Variants in ADGRA3 observed in about 807,000 individuals in gnomAD.
The protein encoded by ADGRA3 is G-protein coupled receptor 125.
ADGRA3 carries 56 observed loss-of-function variants against 119.8 expected under a neutral mutation model. The observed-to-expected ratio is 0.47, with a 90% CI of 0.38 to 0.58. The LOEUF (loss-of-function observed/expected upper bound fraction) is 0.58. ADGRA3 is among the 20% of genes least tolerant of loss of function. The pLI is 0.00. For missense variants in ADGRA3, 1,516 were observed against 1,649.0 expected, an observed-to-expected ratio of 0.92 and a Z score of 1.40; for synonymous variants, 607 against 623.8, an observed-to-expected ratio of 0.97 and a Z score of 0.40.
At chr4:22,432,303 G>C (rs957236302) in intron 10 of ADGRA3, among the ~76,000 whole-genome samples, 16 of 152,066 alleles carry the variant, frequency 1.1e-4, no homozygotes, top group Non-Finnish European at 1.6e-4. Context: ...GGCAGGGAGG[G>C]GGAACTCAGG....
At chr4:22,509,941 C>T (rs529572657) in intron 1 of ADGRA3, among the ~76,000 whole-genome samples, 2 of 139,178 alleles carry the variant, frequency 1.4e-5, no homozygotes, top group Non-Finnish European at 1.5e-5. Context: ...ACCCGGGAGG[C>T]GGAGCTTGCA....
intron 2 of ADGRA3, chr4:22,472,938 A>C (rs1717907017): frequency 6.6e-6 from 1 of 152,208 alleles, no homozygotes; most frequent in African/African-American, 2.4e-5. Context: ...AATACAAGTA[A>C]ATTAAATGTC....
Position 22,479,143 on chromosome 4 carries a change from T to C in ADGRA3, c.258-5300A>G, listed in dbSNP as rs149469489. 6.5e-3 allele frequency among the ~76,000 whole-genome samples: 987 copies of C among 152,120 alleles called. 4 individuals are homozygous for C. Among genetic ancestry groups the C allele is most frequent in the Middle Eastern group, 0.02 (6 of 294 alleles). On this transcript the variant is annotated intron_variant, in intron 1 of 18. Transcript: ENST00000334304. ...AAATCAAAACCACAATGAGACACCA[T>C]CTCACACCAGTTAGAATGGTGATCA...
rs181390858 is a variant in ADGRA3 at position 22,457,605 on chromosome 4, G to A, written c.402-2668C>T. 2.7e-4 allele frequency among the ~76,000 whole-genome samples: 41 copies of A among 152,322 alleles called. No individual in the cohort carries two copies. The East Asian group carries it at 6.9e-3, about 26-fold the overall frequency. On this transcript the variant is annotated intron_variant, in intron 3 of 18. Coordinates refer to ENST00000334304, the MANE Select transcript of ADGRA3 (RefSeq NM_145290.4). Reference sequence around the variant, plus strand: ...AAGAGACTACTTAACGTGTAACACAGTGAAAGACTACTAAGGCAATGCCTG... The same window carrying A: ...AAGAGACTACTTAACGTGTAACACAATGAAAGACTACTAAGGCAATGCCTG...
intron 2 of ADGRA3, among the ~76,000 whole-genome samples, chr4:22,467,183 G>C (rs1717690267): frequency 6.6e-6 from 1 of 152,110 alleles, no homozygotes; most frequent in Non-Finnish European, 1.5e-5. Flanking sequence ...CTGAATTGTT[G>C]AACTGGGTAA....
At chr4:22,467,708 A>G (rs558071334) in intron 2 of ADGRA3, among the ~76,000 whole-genome samples, 25 of 152,224 alleles carry the variant, frequency 1.6e-4, no homozygotes, top group Non-Finnish European at 2.9e-4. Flanking sequence ...AGCCATATTA[A>G]TCAAGCATTG....
At chr4:22,444,930 C>A in intron 6 of ADGRA3, 43 bp downstream of exon 6, 1 of 1,602,510 alleles carries the variant, frequency 6.2e-7, no homozygotes, top group South Asian at 1.1e-5. Flanking sequence ...GGTAGCAAGT[C>A]AAAATATGGT....
chr4:22,454,720 T>C (rs1175728035), intron 4 of ADGRA3, 146 bp downstream of exon 4: 2 of 645,452 alleles, frequency 3.1e-6, no homozygotes, highest in Non-Finnish European at 5.5e-6. Context: ...TACATCCCCA[T>C]GATTAAATTG....
At chr4:22,489,948 G>C (rs1023431462) in intron 1 of ADGRA3, among the ~76,000 whole-genome samples, 1 of 152,162 alleles carries the variant, frequency 6.6e-6, no homozygotes, top group African/African-American at 2.4e-5. Flanking sequence ...ATTACACTGA[G>C]ACAACAGATT....
chr4:22,398,170 G>A, intron 16 of ADGRA3: 2 of 964,828 alleles, frequency 2.1e-6, no homozygotes, highest in Non-Finnish European at 2.5e-6. Flanking sequence ...CAGATGAGAG[G>A]TAATTTCATC....
chr4:22,400,158 G>A (rs557912044), intron 16 of ADGRA3, among the ~76,000 whole-genome samples: 3 of 152,138 alleles, frequency 2.0e-5, no homozygotes, highest in Admixed American at 6.5e-5. Context: ...CCAACAACTC[G>A]ATTATCATTC....
At chr4:22,417,876 C>T (rs1021796702) in intron 12 of ADGRA3, among the ~76,000 whole-genome samples, 6 of 152,022 alleles carry the variant, frequency 3.9e-5, no homozygotes, top group Non-Finnish European at 1.5e-5. Flanking sequence ...TAATGACTAG[C>T]CTGAAAAATT....
At position 22,426,693 on chromosome 4, in the gene ADGRA3, T is replaced by C. The variant is rs967277552; in HGVS notation, c.1444-2341A>G. ...ATATAGGATACAGAATAATGAAATTTAATCCAAACACCCTATTTTAATGAA... is the reference window on the plus strand; with the variant it reads ...ATATAGGATACAGAATAATGAAATTCAATCCAAACACCCTATTTTAATGAA... On this transcript the variant is annotated intron_variant, in intron 10 of 18. Transcript: ENST00000334304. 5.3e-5 allele frequency among the ~76,000 whole-genome samples: 8 copies of C among 152,314 alleles called. No homozygotes were observed. In the South Asian group the frequency reaches 1.7e-3, roughly 32 times the overall value.
intron 9 of ADGRA3, among the ~76,000 whole-genome samples, chr4:22,435,832 C>T (rs1716370275): frequency 6.6e-6 from 1 of 152,162 alleles, no homozygotes; most frequent in African/African-American, 2.4e-5. Flanking sequence ...TCCCTTGGAG[C>T]TCCTACTGCA....
rs371629208 is a variant in ADGRA3, at chr4:22,396,125, T to A, written c.2482-3435A>T. On this transcript the variant is annotated intron_variant, in intron 16 of 18. Coordinates refer to ENST00000334304, the MANE Select transcript of ADGRA3 (RefSeq NM_145290.4). ...AGTGTATCATGAACCAGAACACAGA[T>A]CCCTTCCAGACTTGAGTCAACGGCC... 2.6e-5 allele frequency among the ~76,000 whole-genome samples: 4 copies of A among 152,168 alleles called. No homozygotes were observed. The South Asian group carries it at 6.2e-4, about 24-fold the overall frequency.
intron 4 of ADGRA3, among the ~76,000 whole-genome samples, chr4:22,448,683 T>G (rs942369235): frequency 6.6e-6 from 1 of 152,182 alleles, no homozygotes; most frequent in East Asian, 1.9e-4. Context: ...GAAGACCTGA[T>G]ATCACACAAT....
At chr4:22,449,969 C>A (rs762763525) in intron 4 of ADGRA3, among the ~76,000 whole-genome samples, 35 of 152,090 alleles carry the variant, frequency 2.3e-4, no homozygotes, top group Admixed American at 7.9e-4. Context: ...ATGCCATCTT[C>A]TTAGTAAATC....
chr4:22,406,151 T>C (rs1714913334), intron 14 of ADGRA3, among the ~76,000 whole-genome samples: 1 of 152,140 alleles, frequency 6.6e-6, no homozygotes, highest in African/African-American at 2.4e-5. Flanking sequence ...GATTTCATTC[T>C]TTTTTTATGA....
At chr4:22,502,012 C>T (rs1001649491) in intron 1 of ADGRA3, among the ~76,000 whole-genome samples, 17 of 151,996 alleles carry the variant, frequency 1.1e-4, no homozygotes, top group African/African-American at 3.9e-4. Context: ...TAATCTCAAG[C>T]GATCTCCATT....
Sources: allele counts gnomAD v4.1 joint callset (sites outside exome capture counted in the v4.1 genomes callset), GRCh38; gene constraint gnomAD v4.1.1; transcripts MANE v1.5; gene names NCBI Gene and HGNC (gene_info 2026-07-23, HGNC 2026-07-21).